The following RAB18 variants were observed in gnomAD, a reference collection of about 807,000 sequenced individuals.
The protein encoded by RAB18 is RAB18, member RAS oncogene family.
RAB18 carries 10 observed loss-of-function variants against 28.5 expected under a neutral mutation model. That is an observed-to-expected ratio of 0.35 (90% CI 0.22 to 0.60). RAB18 has a LOEUF of 0.60. Ranked by LOEUF, RAB18 falls within the 20% of genes least tolerant of loss-of-function variation. The probability of loss-of-function intolerance (pLI) is 0.78; values close to 1 mark genes in which losing one functional copy is unlikely to be tolerated. For synonymous variants in RAB18, 93 were observed against 86.9 expected (o/e 1.07, Z -0.39); for missense variants, 188 against 244.2 (o/e 0.77, Z 1.53).
chr10:27,535,226 T>C (rs1236814628), intron 6 of RAB18, among the ~76,000 whole-genome samples: 3 of 152,142 alleles, frequency 2.0e-5, no homozygotes, highest in Non-Finnish European at 2.9e-5. Flanking sequence ...CAACACAAAT[T>C]TGTAAACTTC....
At chr10:27,512,825 G>T (rs190963458) in intron 2 of RAB18, among the ~76,000 whole-genome samples, 2 of 151,882 alleles carry the variant, frequency 1.3e-5, no homozygotes, top group African/African-American at 4.8e-5. Flanking sequence ...GGGGACTTGT[G>T]GCATGACAAA....
At position 27,504,311 on chromosome 10, in the gene RAB18, T is replaced by C. The variant is rs760745895; in HGVS notation, c.-59T>C. ...GCGCATGCGCAGCAGCTCACTCTGC[T>C]GAAGGGCTGAGAGGCGCACCCGGGC... On this transcript the variant is annotated 5_prime_UTR_variant, in exon 1 of 7. Coordinates refer to ENST00000356940, the MANE Select transcript of RAB18 (RefSeq NM_021252.5). The C allele has an allele frequency of 7.9e-6, 12 of 1,519,134 alleles. No individual in the cohort carries two copies. The highest frequency in any genetic ancestry group is 3.9e-5 in the Admixed American group (2 of 51,052). 94.1% of individuals were successfully genotyped at this position (1,519,134 alleles called of 1,614,324 possible).
intron 1 of RAB18, among the ~76,000 whole-genome samples, chr10:27,507,865 A>G (rs1335106567): frequency 6.6e-6 from 1 of 151,822 alleles, no homozygotes; most frequent in Non-Finnish European, 1.5e-5. Context: ...TAACGAGACC[A>G]TGCCTCTAAA....
intron 2 of RAB18, among the ~76,000 whole-genome samples, chr10:27,526,068 A>G (rs1432805613): frequency 1.3e-5 from 2 of 152,294 alleles, no homozygotes; most frequent in East Asian, 1.9e-4. Flanking sequence ...TTTCCTGGAA[A>G]GGGAGAGGTT....
chr10:27,504,949 T>C (rs1190137800), intron 1 of RAB18: 1 of 533,120 alleles, frequency 1.9e-6, no homozygotes, highest in Non-Finnish European at 3.8e-6. Flanking sequence ...TGGGCGCAGC[T>C]TAATGTCGAT....
chr10:27,524,188 T>G (rs1834627610), intron 2 of RAB18, among the ~76,000 whole-genome samples: 1 of 152,218 alleles, frequency 6.6e-6, no homozygotes, highest in South Asian at 2.1e-4. Context: ...CCTTAGCCTC[T>G]CAAAGTGTTG....
chr10:27,513,030 A>AT (rs1834355407), intron 2 of RAB18, among the ~76,000 whole-genome samples: 4 of 139,900 alleles, frequency 2.9e-5, no homozygotes, highest in Admixed American at 7.2e-5. Context: ...ATATATATAT[A>AT]TATTTTTTTT....
intron 6 of RAB18, among the ~76,000 whole-genome samples, chr10:27,535,120 T>C (rs1834867062): frequency 6.6e-6 from 1 of 152,204 alleles, no homozygotes; most frequent in South Asian, 2.1e-4. Flanking sequence ...TCTTAGAGGC[T>C]GTCCCATTTG....
Position 27,538,344 on chromosome 10 carries a change from T to C in RAB18, c.*293T>C. The C allele has an allele frequency of 1.9e-6, 1 of 517,104 alleles. No homozygotes were observed. Among genetic ancestry groups the C allele is most frequent in the Non-Finnish European group, 3.7e-6 (1 of 268,734 alleles). 32.0% of individuals were successfully genotyped at this position (517,104 alleles called of 1,614,324 possible). A position where few individuals can be genotyped will look rare whatever the true frequency, so the allele number is the denominator to read the frequency against. ...TGTAATTTTTAAAAAAATCCATCTA[T>C]CTAGGATATGTTGATACAAAGTCTG... On this transcript the variant is annotated 3_prime_UTR_variant, in exon 7 of 7. Coordinates refer to ENST00000356940, the MANE Select transcript of RAB18 (RefSeq NM_021252.5).
intron 1 of RAB18, 51 bp downstream of exon 1, chr10:27,504,488 C>T: frequency 1.2e-5 from 19 of 1,532,238 alleles, no homozygotes; most frequent in Non-Finnish European, 1.6e-5. Flanking sequence ...CTTTCTGCCC[C>T]GGTGGCTGCT....
Position 27,538,340 on chromosome 10 carries a change from T to A in RAB18, c.*289T>A. ...ATCATGTAATTTTTAAAAAAATCCA[T>A]CTATCTAGGATATGTTGATACAAAG... On this transcript the variant is annotated 3_prime_UTR_variant, in exon 7 of 7. Transcript: ENST00000356940. 1 of 522,488 alleles carries A rather than the reference T, an allele frequency of 1.9e-6. No individual in the cohort carries two copies. Among genetic ancestry groups the A allele is most frequent in the Non-Finnish European group, 3.7e-6 (1 of 272,418 alleles). 32.4% of individuals were successfully genotyped at this position (522,488 alleles called of 1,614,324 possible). A position where few individuals can be genotyped will look rare whatever the true frequency, so the allele number is the denominator to read the frequency against.
Position 27,504,420 on chromosome 10 carries a change from TG to T in RAB18, c.55del (p.Val19TrpfsTer8). ...TGAAGATCCTCATCATCGGCGAGAGTGGGGTGGGCAAGTCCAGGTGAGGCGG... is the reference window on the plus strand; with the variant it reads ...TGAAGATCCTCATCATCGGCGAGAGTGGGTGGGCAAGTCCAGGTGAGGCGG... ...TLKILIIGES[G>X]VGKSSLLLRF... is the part of the protein sequence containing the mutation. On this transcript the variant is annotated frameshift_variant, in exon 1 of 7. Coordinates refer to ENST00000356940, the MANE Select transcript of RAB18 (RefSeq NM_021252.5). LOFTEE classifies it high-confidence loss of function. 6.4e-7 allele frequency: 1 copy of T among 1,567,858 alleles called. No individual in the cohort carries two copies. Among genetic ancestry groups the T allele is most frequent in the Non-Finnish European group, 8.6e-7 (1 of 1,156,206 alleles).
At position 27,537,892 on chromosome 10, in the gene RAB18, C is replaced by T. The variant is rs761792720; in HGVS notation, c.462C>T (p.Thr154=). The T allele has an allele frequency of 4.0e-5, 64 of 1,613,958 alleles. 1 individual carries two copies. In the African/African-American group the frequency reaches 8.0e-4, roughly 20 times the overall value. ...GAATTTCAGAGGCAAGTGCAAAAACCTGTGATGGTGTACAATGTGCCTTTG... is the reference window on the plus strand; with the variant it reads ...GAATTTCAGAGGCAAGTGCAAAAACTTGTGATGGTGTACAATGTGCCTTTG... ...SMLFIEASAK[T]CDGVQCAFEE... The change falls in exon 7 of 7, where the codon ACC becomes ACT. Residue 154 remains threonine (T), a synonymous_variant. Coordinates refer to ENST00000356940, the MANE Select transcript of RAB18 (RefSeq NM_021252.5).
In RAB18 at chr10:27,540,640, TAGAAA is replaced by T. The variant is rs1835004757; in HGVS notation, c.*2592_*2596del. 2.2e-6 allele frequency: 1 copy of T among 454,112 alleles called. No homozygotes were observed. The highest frequency in any genetic ancestry group is 4.4e-6 in the Non-Finnish European group (1 of 226,778). The allele number at this position is 454,112 out of a possible 1,614,324, so 28.1% of individuals were successfully genotyped here. On this transcript the variant is annotated 3_prime_UTR_variant, in exon 7 of 7. Coordinates refer to ENST00000356940, the MANE Select transcript of RAB18 (RefSeq NM_021252.5). ...TCAGAGTGGACTGAAAATCCTGACT[TAGAAA>T]AGGTACAAAGTTAGGGGACTTATGG...
intron 2 of RAB18, among the ~76,000 whole-genome samples, chr10:27,520,426 A>C (rs886263173): frequency 6.7e-6 from 1 of 150,250 alleles, no homozygotes; most frequent in African/African-American, 2.5e-5. Flanking sequence ...TATTTTGTTG[A>C]TCTTTAAGAA....
chr10:27,514,879 C>T (rs1834404524), intron 2 of RAB18, among the ~76,000 whole-genome samples: 1 of 151,976 alleles, frequency 6.6e-6, no homozygotes, highest in Admixed American at 6.6e-5. Context: ...CAGTGATCTG[C>T]TTGAGCCTCC....
chr10:27,511,350 A>G (rs896239729), intron 2 of RAB18, among the ~76,000 whole-genome samples: 58 of 152,118 alleles, frequency 3.8e-4, no homozygotes, highest in African/African-American at 1.4e-3. Context: ...CTACAGGCAC[A>G]TGCCACTGCG....
In RAB18 at chr10:27,526,917, A is replaced by C. The variant is rs1834684029; in HGVS notation, c.186+28A>C. 6 of 1,593,944 alleles carry C rather than the reference A, an allele frequency of 3.8e-6. No homozygotes were observed. In the South Asian group the frequency reaches 6.6e-5, roughly 18 times the overall value. On this transcript the variant is annotated intron_variant, in intron 3 of 6. Transcript: ENST00000356940. Reference sequence around the variant, plus strand: ...AAGAGTTTTTAAAATGTATTTTTAAAATATTAAACTTTACTTTTTAAGGAT... The same window carrying C: ...AAGAGTTTTTAAAATGTATTTTTAACATATTAAACTTTACTTTTTAAGGAT...
At chr10:27,520,916 CA>C (rs58688075) in intron 2 of RAB18, among the ~76,000 whole-genome samples, 81 of 40,082 alleles carry the variant, frequency 2.0e-3, no homozygotes, top group African/African-American at 6.3e-3. Context: ...GACTCCATCT[CA>C]AAAAAAAAAA....
Sources: allele counts gnomAD v4.1 joint callset (sites outside exome capture counted in the v4.1 genomes callset), GRCh38; gene constraint gnomAD v4.1.1; transcripts MANE v1.5; gene names NCBI Gene and HGNC (gene_info 2026-07-23, HGNC 2026-07-21).